GRIK5: variants seen among roughly 807,000 people sequenced by gnomAD.
The protein encoded by GRIK5 is glutamate receptor ionotropic, kainate 5.
GRIK5 carries 43 observed loss-of-function variants against 97.4 expected under a neutral mutation model. The observed-to-expected ratio is 0.44, with a 90% confidence interval of 0.35 to 0.57. The LOEUF (loss-of-function observed/expected upper bound fraction) is 0.57, where lower values mean the gene tolerates loss of function less well. Ranked by LOEUF, GRIK5 falls within the 20% of genes least tolerant of loss-of-function variation. The pLI, the probability that GRIK5 is intolerant of heterozygous loss-of-function variation, is 0.01. For missense variants in GRIK5, 1,015 were observed against 1,382.0 expected (o/e 0.73, Z 4.21); for synonymous variants, 580 against 583.5 (o/e 0.99, Z 0.09).
chr19:42,011,353 C>G (rs1481677145), intron 15 of GRIK5, among the ~76,000 whole-genome samples: 1 of 150,722 alleles, frequency 6.6e-6, no homozygotes, highest in Non-Finnish European at 1.5e-5. Context: ...GAGATCGAGA[C>G]CATCCTGGCT....
At chr19:42,035,910 A>G (rs2075898423) in intron 12 of GRIK5, among the ~76,000 whole-genome samples, 1 of 152,174 alleles carries the variant, frequency 6.6e-6, no homozygotes, top group Non-Finnish European at 1.5e-5. Flanking sequence ...GCTTATGAAA[A>G]TTTCTGATGG....
chr19:42,041,768 T>A lies in GRIK5; in HGVS notation c.1473+784A>T, dbSNP rs570922565. On this transcript the variant is annotated intron_variant, in intron 12 of 19. Coordinates refer to ENST00000593562, the MANE Select transcript of GRIK5 (RefSeq NM_002088.5). ...GCTATTTCCCCTGCTCCAAATACAC[T>A]CCCCTTCTCCCACACCCCCTTCACC... Among the ~76,000 whole-genome samples, 9 of 152,086 alleles carry A rather than the reference T, an allele frequency of 5.9e-5. No individual in the cohort carries two copies. In the South Asian group the frequency reaches 1.9e-3, roughly 32 times the overall value.
At chr19:42,064,475 C>T (rs2076301812) in intron 3 of GRIK5, among the ~76,000 whole-genome samples, 1 of 152,136 alleles carries the variant, frequency 6.6e-6, no homozygotes, top group African/African-American at 2.4e-5. Flanking sequence ...CCGATCCCCA[C>T]CTCATCTCCA....
chr19:42,028,574 C>A (rs75991633), intron 12 of GRIK5, among the ~76,000 whole-genome samples: 3,191 of 152,332 alleles, frequency 0.021, 103 homozygotes, highest in African/African-American at 0.072. Context: ...ACAAACCCAT[C>A]TCATCCAGCC....
chr19:42,021,772 G>C lies in GRIK5; in HGVS notation c.1697+175C>G, dbSNP rs905845105. ...CCACAGAGCACAGTCAGAGCCACAAGGGGAAGAATGAGACTCAGACACAGG... is the reference window on the plus strand; with the variant it reads ...CCACAGAGCACAGTCAGAGCCACAACGGGAAGAATGAGACTCAGACACAGG... On this transcript the variant is annotated intron_variant, in intron 14 of 19. Transcript: ENST00000593562. This position sits in a 1 kb window ranked among gnomAD's most constrained non-coding sequence, Gnocchi z 4.2. 2.6e-5 allele frequency among the ~76,000 whole-genome samples: 4 copies of C among 152,172 alleles called. No individual in the cohort carries two copies. The highest frequency in any genetic ancestry group is 9.7e-5 in the African/African-American group (4 of 41,430).
At position 42,003,893 on chromosome 19, in the gene GRIK5, C is replaced by T; in HGVS notation, c.2264-210G>A. 1 of 538,968 alleles carries T rather than the reference C, an allele frequency of 1.9e-6. No homozygotes were observed. The highest frequency in any genetic ancestry group is 2.9e-5 in the South Asian group (1 of 34,168). 33.4% of individuals were successfully genotyped at this position (538,968 alleles called of 1,614,324 possible). A position where few individuals can be genotyped will look rare whatever the true frequency, so the allele number is the denominator to read the frequency against. ...AGGAAGAGTCAGAGGCCATACCTTT[C>T]CTGTGCTCAGGACTCTCCATGGCTT... On this transcript the variant is annotated intron_variant, in intron 17 of 19. Transcript: ENST00000593562. The surrounding 1 kb of genome is among the most constrained non-coding windows in gnomAD (Gnocchi z 4.2).
chr19:42,017,686 G>A (rs2075641162), intron 15 of GRIK5, among the ~76,000 whole-genome samples: 2 of 152,192 alleles, frequency 1.3e-5, no homozygotes, highest in African/African-American at 4.8e-5. Context: ...CCGGGCGAAT[G>A]CTGCCTGGAG....
chr19:42,031,461 T>C (rs1213491647), intron 12 of GRIK5, among the ~76,000 whole-genome samples: 9 of 152,154 alleles, frequency 5.9e-5, no homozygotes, highest in Non-Finnish European at 1.3e-4. Flanking sequence ...CTATTCCAGT[T>C]ATACAACCAA....
intron 15 of GRIK5, among the ~76,000 whole-genome samples, chr19:42,020,771 T>C (rs956098404): frequency 2.6e-5 from 4 of 152,208 alleles, no homozygotes; most frequent in African/African-American, 7.2e-5. Context: ...CTATATGGTC[T>C]AAAAGGGGGA....
intron 15 of GRIK5, among the ~76,000 whole-genome samples, chr19:42,011,543 A>G (rs1009942409): frequency 6.8e-6 from 1 of 147,620 alleles, no homozygotes; most frequent in Admixed American, 6.9e-5. Flanking sequence ...ACAGAGCGAG[A>G]CTCCGTCTCA....
rs1283814413 is a variant in GRIK5 at position 42,069,851 on chromosome 19, G to A, written c.-661C>T. Among the ~76,000 whole-genome samples, 1 of 152,132 alleles carries A rather than the reference G, an allele frequency of 6.6e-6. No homozygotes were observed. Among genetic ancestry groups the A allele is most frequent in the Non-Finnish European group, 1.5e-5 (1 of 67,992 alleles). ...CCACGGGAAAAGCATGCTGGGGGCG[G>A]GGAGAGCCCGGGAGTGGAGAGCTGG... On this transcript the variant is annotated 5_prime_UTR_variant, in exon 1 of 20. Coordinates refer to ENST00000593562, the MANE Select transcript of GRIK5 (RefSeq NM_002088.5).
At chr19:42,057,852 C>T (rs2076207873) in intron 6 of GRIK5, among the ~76,000 whole-genome samples, 1 of 152,180 alleles carries the variant, frequency 6.6e-6, no homozygotes, top group Non-Finnish European at 1.5e-5. Context: ...TCATAATCCT[C>T]GAGGAAAACA....
intron 5 of GRIK5, among the ~76,000 whole-genome samples, chr19:42,061,711 T>C (rs1599849237): frequency 6.6e-6 from 1 of 152,156 alleles, no homozygotes; most frequent in Non-Finnish European, 1.5e-5. Flanking sequence ...CACATCACCC[T>C]GGCCCCCTCA....
Position 42,043,961 on chromosome 19 carries a change from C to T in GRIK5, c.1270-1206G>A, listed in dbSNP as rs953428011. On this transcript the variant is annotated intron_variant, in intron 11 of 19. Transcript: ENST00000593562. Reference sequence around the variant, plus strand: ...CTGATACGGTTAGGCTTTGTGTCCCCACCCAAATCTCACCTTGAATTGTAA... The same window carrying T: ...CTGATACGGTTAGGCTTTGTGTCCCTACCCAAATCTCACCTTGAATTGTAA... 3.3e-5 allele frequency among the ~76,000 whole-genome samples: 5 copies of T among 152,284 alleles called. No individual in the cohort carries two copies. The East Asian group carries it at 5.8e-4, about 18-fold the overall frequency.
chr19:42,063,342 T>C (rs757425957), intron 3 of GRIK5: 4 of 456,824 alleles, frequency 8.8e-6, no homozygotes, highest in Non-Finnish European at 1.3e-5. Flanking sequence ...TATACACATG[T>C]GTGTCTCAAG....
intron 12 of GRIK5, among the ~76,000 whole-genome samples, chr19:42,026,904 G>A (rs1465527099): frequency 1.3e-5 from 2 of 151,900 alleles, no homozygotes; most frequent in African/African-American, 2.4e-5. Flanking sequence ...TGCCTCACCC[G>A]ACCCAATGAG....
chr19:42,014,883 T>C (rs1334197417), intron 15 of GRIK5, among the ~76,000 whole-genome samples: 1 of 152,336 alleles, frequency 6.6e-6, no homozygotes, highest in Non-Finnish European at 1.5e-5. Context: ...AGTGAGACCC[T>C]ATCTCTATTT....
rs1431785880 is a variant in GRIK5 at position 42,056,906 on chromosome 19, G to A, written c.741+19C>T. On this transcript the variant is annotated intron_variant, in intron 7 of 19. Transcript: ENST00000593562. ...TGGGAAGGAAGTGGGGGCAGAGATGGGCCAGAGGGCATACACACCATGGTG... is the reference window on the plus strand; with the variant it reads ...TGGGAAGGAAGTGGGGGCAGAGATGAGCCAGAGGGCATACACACCATGGTG... 11 of 1,602,616 alleles carry A rather than the reference G, an allele frequency of 6.9e-6. No homozygotes were observed. Among genetic ancestry groups the A allele is most frequent in the Non-Finnish European group, 3.4e-6 (4 of 1,174,132 alleles).
At chr19:42,060,858 C>G (rs1197599210) in intron 5 of GRIK5, among the ~76,000 whole-genome samples, 1 of 151,998 alleles carries the variant, frequency 6.6e-6, no homozygotes, top group Non-Finnish European at 1.5e-5. Flanking sequence ...ACGCCCATAC[C>G]ATTCTTCATA....
Sources: gnomAD v4.1 joint callset for allele counts (sites outside exome capture counted in the v4.1 genomes callset) on GRCh38, gnomAD v4.1.1 for gene constraint, Gnocchi (gnomAD v3.1) non-coding constraint, MANE v1.5 for transcripts, NCBI Gene and HGNC (gene_info 2026-07-23, HGNC 2026-07-21) for gene names.